The following SHISA9 variants were observed in gnomAD, a reference collection of about 807,000 sequenced individuals.
The protein encoded by SHISA9 is shisa family member 9.
In SHISA9, 13 loss-of-function variants were observed where a neutral mutation model predicts 38.0. The ratio of observed to expected loss-of-function variants is 0.34; its 90% CI spans 0.22 to 0.54. The LOEUF is 0.54. Among genes scored for constraint, SHISA9 ranks in the 20% least tolerant of loss-of-function variants. The pLI is 0.91. For missense variants in SHISA9, 538 were observed against 575.8 expected (o/e 0.93, Z 0.67); for synonymous variants, 275 against 242.0 (o/e 1.14, Z -1.27).
the SHISA9 span, among the ~76,000 whole-genome samples, chr16:13,372,987 A>G: frequency 3.9e-5 from 6 of 152,206 alleles, no homozygotes; most frequent in Admixed American, 2.6e-4. Flanking sequence ...TAAACATAAA[A>G]TAGTAAGTTT....
chr16:12,988,611 G>A (rs2141829998), intron 2 of SHISA9, among the ~76,000 whole-genome samples: 1 of 152,136 alleles, frequency 6.6e-6, no homozygotes, highest in Non-Finnish European at 1.5e-5. Context: ...TGCAACTTCC[G>A]CCTCCCCAGT....
intron 2 of SHISA9, among the ~76,000 whole-genome samples, chr16:13,176,669 C>G (rs1415614730): frequency 6.6e-6 from 1 of 152,182 alleles, no homozygotes; most frequent in Non-Finnish European, 1.5e-5. Context: ...CCCATTCCAT[C>G]TCTGAGCTGG....
chr16:13,139,907 G>A (rs2050384475), intron 2 of SHISA9, among the ~76,000 whole-genome samples: 1 of 152,080 alleles, frequency 6.6e-6, no homozygotes, highest in African/African-American at 2.4e-5. Context: ...CTCAGTTGAG[G>A]TCCCTGGCTG....
the SHISA9 span, among the ~76,000 whole-genome samples, chr16:13,375,562 TTGGTTAC>T: frequency 6.6e-6 from 1 of 152,196 alleles, no homozygotes; most frequent in Non-Finnish European, 1.5e-5. Context: ...CCATGCTGTT[TTGGTTAC>T]TGTAGCCTTG....
chr16:13,471,324 A>T, the SHISA9 span, among the ~76,000 whole-genome samples: 9 of 152,266 alleles, frequency 5.9e-5, no homozygotes, highest in Middle Eastern at 3.4e-3. Context: ...AACATTTTTT[A>T]AATGTTTTAA....
intron 2 of SHISA9, among the ~76,000 whole-genome samples, chr16:13,129,719 G>T (rs1199173013): frequency 6.6e-6 from 1 of 152,174 alleles, no homozygotes; most frequent in African/African-American, 2.4e-5. Context: ...TGCAAGAAAA[G>T]GATGCATCTT....
rs541113736 is a variant in SHISA9 at position 13,239,776 on chromosome 16, T to C, written c.*4367T>C. 2.6e-3 allele frequency: 392 copies of C among 152,162 alleles called. 2 individuals carry two copies. Among genetic ancestry groups the C allele is most frequent in the African/African-American group, 8.4e-3 (350 of 41,522 alleles). 9.4% of individuals were successfully genotyped at this position (152,162 alleles called of 1,614,324 possible). ...TAGGTTGCGAAAATTTTCTCCCATT[T>C]TGTAGGTTGCCTGTTCACTCTGATG... On this transcript the variant is annotated 3_prime_UTR_variant, in exon 5 of 5. Transcript: ENST00000558583.
chr16:12,941,817 C>T (rs2071615913), intron 2 of SHISA9, among the ~76,000 whole-genome samples: 1 of 152,130 alleles, frequency 6.6e-6, no homozygotes. Context: ...TGCCACTGGA[C>T]TCCAGTCTTG....
At chr16:13,520,502 C>T in the SHISA9 span, among the ~76,000 whole-genome samples, 1 of 146,292 alleles carries the variant, frequency 6.8e-6, no homozygotes, top group East Asian at 2.1e-4. Flanking sequence ...ACTTGGGAGG[C>T]TGAGGTGGGA....
chr16:13,537,139 AT>A, the SHISA9 span, among the ~76,000 whole-genome samples: 1 of 152,134 alleles, frequency 6.6e-6, no homozygotes, highest in Non-Finnish European at 1.5e-5. Flanking sequence ...AGAAAAAAAA[AT>A]TTAAGGGCCA....
At chr16:13,527,059 C>T in the SHISA9 span, among the ~76,000 whole-genome samples, 3 of 152,186 alleles carry the variant, frequency 2.0e-5, no homozygotes, top group South Asian at 2.1e-4. Flanking sequence ...TTCTTTTCCA[C>T]ATCTAGGCTC....
chr16:13,183,458 C>T (rs886933212), intron 2 of SHISA9, among the ~76,000 whole-genome samples: 43 of 152,252 alleles, frequency 2.8e-4, no homozygotes, highest in African/African-American at 1.0e-3. Context: ...GCTCCAGCTT[C>T]GCTGATTTTC....
intron 2 of SHISA9, among the ~76,000 whole-genome samples, chr16:13,136,580 A>G (rs868684861): frequency 6.6e-6 from 1 of 151,648 alleles, no homozygotes; most frequent in African/African-American, 2.4e-5. Context: ...TTGTGTTTTT[A>G]GTAGAGAAGG....
At chr16:12,972,770 A>C (rs1253451205) in intron 2 of SHISA9, among the ~76,000 whole-genome samples, 2 of 152,202 alleles carry the variant, frequency 1.3e-5, no homozygotes, top group Non-Finnish European at 2.9e-5. Context: ...CCCAGGAAAT[A>C]GTGAGGGTGT....
At position 13,203,432 on chromosome 16, in the gene SHISA9, C is replaced by A; in HGVS notation, c.730C>A (p.Leu244Met). ...QMNNAVPTSP[L>M]LQQMGHPHSY... Reference sequence around the variant, plus strand: ...GAACAACGCAGTGCCCACCTCTCCTCTGCTCCAGCAGATGGGCCATCCACA... The same window carrying A: ...GAACAACGCAGTGCCCACCTCTCCTATGCTCCAGCAGATGGGCCATCCACA... The change falls in exon 3 of 5, where the codon CTG becomes ATG. Residue 244 changes from leucine (L) to methionine (M), a missense_variant. By Grantham distance (15) the Leu-to-Met change is conservative. Around this residue, in one of 4 missense-constraint regions of SHISA9, gnomAD observed 326 missense variants for 305.9 expected, o/e 1.07. Transcript: ENST00000558583. 6.5e-7 allele frequency: 1 copy of A among 1,550,092 alleles called. No individual in the cohort carries two copies. Among genetic ancestry groups the A allele is most frequent in the Non-Finnish European group, 8.7e-7 (1 of 1,146,222 alleles).
intron 2 of SHISA9, among the ~76,000 whole-genome samples, chr16:13,016,616 T>C (rs1596586933): frequency 6.6e-6 from 1 of 152,232 alleles, no homozygotes; most frequent in Non-Finnish European, 1.5e-5. Flanking sequence ...TTTTTGTTTA[T>C]ATTAGGCAAA....
chr16:13,067,637 C>A (rs916615395), intron 2 of SHISA9, among the ~76,000 whole-genome samples: 2 of 152,206 alleles, frequency 1.3e-5, no homozygotes, highest in Admixed American at 6.5e-5. Context: ...CAGAATGAGA[C>A]CCTGTTTCAA....
chr16:12,910,782 A>G, intron 1 of SHISA9: 2 of 964,088 alleles, frequency 2.1e-6, no homozygotes, highest in Admixed American at 6.2e-5. Context: ...GAGATTCATT[A>G]TAAGGAATTG....
chr16:13,029,084 G>A (rs968077660), intron 2 of SHISA9, among the ~76,000 whole-genome samples: 4 of 152,016 alleles, frequency 2.6e-5, no homozygotes, highest in Non-Finnish European at 4.4e-5. Context: ...TAGTTTTTGT[G>A]GGCACCTAGT....
Sources: gnomAD v4.1 joint callset for allele counts (sites outside exome capture counted in the v4.1 genomes callset) on GRCh38, gnomAD v4.1.1 for gene constraint, gnomAD v4.1.1 regional missense constraint, MANE v1.5 for transcripts, NCBI Gene and HGNC (gene_info 2026-07-23, HGNC 2026-07-21) for gene names.